KIF2A: variants seen among roughly 807,000 people sequenced by gnomAD.
KIF2A encodes the protein kinesin family member 2A, also known as kinesin-like protein KIF2A.
Under a neutral mutation model 100.2 loss-of-function variants are expected in KIF2A, and 22 were observed. The ratio of observed to expected loss-of-function variants is 0.22; its 90% confidence interval spans 0.16 to 0.31. The LOEUF is 0.31. KIF2A is among the 10% of genes least tolerant of loss of function. The pLI is 1.00. For missense variants in KIF2A, 495 were observed against 898.7 expected (o/e 0.55, Z 5.74); for synonymous variants, 268 against 285.9 (o/e 0.94, Z 0.63).
At position 62,309,032 on chromosome 5, in the gene KIF2A, G is replaced by T. The variant is rs939354108; in HGVS notation, c.64+2496G>T. ...GAAATTTATTTTTTAAAAAATTAGG[G>T]TGCAATAAAATGTGTAAATTCTTTA... On this transcript the variant is annotated intron_variant, in intron 1 of 20. Coordinates refer to ENST00000407818, the MANE Select transcript of KIF2A (RefSeq NM_001098511.3). Among the ~76,000 whole-genome samples, 12 of 152,220 alleles carry T rather than the reference G, an allele frequency of 7.9e-5. No homozygotes were observed. The East Asian group carries it at 1.3e-3, about 17-fold the overall frequency.
intron 1 of KIF2A, among the ~76,000 whole-genome samples, chr5:62,309,740 A>G (rs2344396): frequency 0.63 from 96,143 of 151,920 alleles, 30,566 homozygotes; most frequent in South Asian, 0.68. Context: ...TTCAGACCAC[A>G]CTTTTCCCAT....
intron 4 of KIF2A, 72 bp downstream of exon 4, chr5:62,350,192 G>T: frequency 1.2e-6 from 1 of 804,224 alleles, no homozygotes; most frequent in South Asian, 1.8e-5. Flanking sequence ...TAAATCAAAA[G>T]TAAACATTAC....
chr5:62,328,024 A>G (rs541077133), intron 1 of KIF2A, among the ~76,000 whole-genome samples: 1 of 152,368 alleles, frequency 6.6e-6, no homozygotes, highest in African/African-American at 2.4e-5. Context: ...CCAGGGAACA[A>G]TTAGATAGCA....
At chr5:62,385,414 A>G in intron 20 of KIF2A, 70 bp from the exon 21 acceptor site, 1 of 1,026,958 alleles carries the variant, frequency 9.7e-7, no homozygotes. Flanking sequence ...ACTTGATTGA[A>G]CCCATAAAGT....
chr5:62,345,877 C>T (rs559189060), intron 1 of KIF2A, among the ~76,000 whole-genome samples: 5 of 152,122 alleles, frequency 3.3e-5, no homozygotes, highest in East Asian at 1.9e-4. Context: ...TCTGTCTCTA[C>T]TTGAGTAACA....
Position 62,348,191 on chromosome 5 carries a change from C to CAGGA in KIF2A, c.279+25_279+28dup, listed in dbSNP as rs768662373. 11 of 1,611,838 alleles carry CAGGA rather than the reference C, an allele frequency of 6.8e-6. No individual in the cohort carries two copies. In the Admixed American group the frequency reaches 1.8e-4, roughly 27 times the overall value. ...AGGTTAGTGATGAAAATTCAGAGTG[C>CAGGA]AGGACACTGGGAGAGAGCGGGAGTT... is the stretch of plus-strand genomic sequence containing the variant. On this transcript the variant is annotated intron_variant, in intron 3 of 20. Coordinates refer to ENST00000407818, the MANE Select transcript of KIF2A (RefSeq NM_001098511.3).
rs990559577 is a variant in KIF2A at position 62,389,417 on chromosome 5, C to T, written c.*3848C>T. 7.2e-6 allele frequency among the ~76,000 whole-genome samples: 1 copy of T among 138,476 alleles called. No individual in the cohort carries two copies. Among genetic ancestry groups the T allele is most frequent in the Non-Finnish European group, 1.5e-5 (1 of 66,250 alleles). 90.8% of individuals were successfully genotyped at this position (138,476 alleles called of 152,430 possible). On this transcript the variant is annotated 3_prime_UTR_variant, in exon 21 of 21. Coordinates refer to ENST00000407818, the MANE Select transcript of KIF2A (RefSeq NM_001098511.3). ...AGGAGATTTGCCTGAACCCAGGAGG[C>T]GGAGGTTGCAGTGAGCTGAGATTGT...
At chr5:62,306,605 GCGCCGGC>G in intron 1 of KIF2A, 69 bp downstream of exon 1, 2 of 1,298,862 alleles carry the variant, frequency 1.5e-6, no homozygotes, top group Non-Finnish European at 2.1e-6. Context: ...GGGGACGCGG[GCGCCGGC>G]CGCCTCATTG....
intron 1 of KIF2A, among the ~76,000 whole-genome samples, chr5:62,312,544 G>T (rs1275523612): frequency 1.3e-5 from 2 of 152,150 alleles, no homozygotes; most frequent in African/African-American, 4.8e-5. Flanking sequence ...TTATTTGTTT[G>T]TTTGTTTTGA....
Position 62,336,453 on chromosome 5 carries a change from T to C in KIF2A, c.65-10677T>C, listed in dbSNP as rs978329596. ...TACCAATTATTGTGACTCTGTCTGT[T>C]CTGATTGGTCAGTTATCTCACCTTT... On this transcript the variant is annotated intron_variant, in intron 1 of 20. Transcript: ENST00000407818. Among the ~76,000 whole-genome samples the C allele has an allele frequency of 3.9e-5, 6 of 152,334 alleles. No individual in the cohort carries two copies. The East Asian group carries it at 7.7e-4, about 20-fold the overall frequency.
At chr5:62,376,701 G>T (rs1223670135) in intron 18 of KIF2A, among the ~76,000 whole-genome samples, 1 of 152,060 alleles carries the variant, frequency 6.6e-6, no homozygotes, top group Non-Finnish European at 1.5e-5. Flanking sequence ...GATTACAGGA[G>T]TGAGCCACCA....
chr5:62,361,181 C>T (rs1421681904), intron 9 of KIF2A, 61 bp from the exon 10 acceptor site: 4 of 824,458 alleles, frequency 4.9e-6, no homozygotes, highest in African/African-American at 3.4e-5. Flanking sequence ...TATTACTCAG[C>T]ATTACTATTA....
At chr5:62,332,540 ATTATAT>A (rs987850962) in intron 1 of KIF2A, among the ~76,000 whole-genome samples, 1 of 152,112 alleles carries the variant, frequency 6.6e-6, no homozygotes, top group African/African-American at 2.4e-5. Flanking sequence ...CAAAATATTT[ATTATAT>A]TTATATTTGA....
Position 62,390,813 on chromosome 5 carries a change from C to T in KIF2A, c.*5244C>T. The T allele has an allele frequency of 2.2e-6, 3 of 1,373,298 alleles. No homozygotes were observed. Among genetic ancestry groups the T allele is most frequent in the Non-Finnish European group, 3.1e-6 (3 of 962,660 alleles). The allele number at this position is 1,373,298 out of a possible 1,614,324, so 85.1% of individuals were successfully genotyped here. ...TATACCGCTTAAAAGCCTTTAAAATCTCCAATCTGAAGGTGTCACAGTAAA... is the reference window on the plus strand; with the variant it reads ...TATACCGCTTAAAAGCCTTTAAAATTTCCAATCTGAAGGTGTCACAGTAAA... On this transcript the variant is annotated 3_prime_UTR_variant, in exon 21 of 21. Transcript: ENST00000407818.
chr5:62,340,056 C>T (rs1300627755), intron 1 of KIF2A, among the ~76,000 whole-genome samples: 1 of 151,796 alleles, frequency 6.6e-6, no homozygotes, highest in Non-Finnish European at 1.5e-5. Context: ...CTGCATCAGC[C>T]TCCTGAGTAG....
In KIF2A at chr5:62,306,231, C is replaced by T; in HGVS notation, c.-242C>T. The T allele has an allele frequency of 2.0e-6, 1 of 490,796 alleles. No homozygotes were observed. The highest frequency in any genetic ancestry group is 3.6e-6 in the Non-Finnish European group (1 of 279,112). 30.4% of individuals were successfully genotyped at this position (490,796 alleles called of 1,614,324 possible). ...ACTCTACCCCGCGCCGTCTCACGGC[C>T]CCGGCCCTAGCTTCACCCCGACTAC... On this transcript the variant is annotated 5_prime_UTR_variant, in exon 1 of 21. Coordinates refer to ENST00000407818, the MANE Select transcript of KIF2A (RefSeq NM_001098511.3).
Position 62,306,501 on chromosome 5 carries a change from A to G in KIF2A, c.29A>G (p.Gln10Arg). 1.3e-6 allele frequency: 2 copies of G among 1,545,504 alleles called. No homozygotes were observed. Among genetic ancestry groups the G allele is most frequent in the Non-Finnish European group, 1.7e-6 (2 of 1,144,702 alleles). MATANFGKI[Q>R]IGIYVEIKRS... Reference sequence around the variant, plus strand: ...GCAACGGCCAACTTCGGCAAGATCCAGATCGGGATTTACGTGGAGATCAAG... The same window carrying G: ...GCAACGGCCAACTTCGGCAAGATCCGGATCGGGATTTACGTGGAGATCAAG... The change falls in exon 1 of 21, where the codon CAG becomes CGG. Residue 10 changes from glutamine to arginine, a missense_variant. Coordinates refer to ENST00000407818, the MANE Select transcript of KIF2A (RefSeq NM_001098511.3).
At chr5:62,368,799 C>G (rs1047091894) in intron 16 of KIF2A, among the ~76,000 whole-genome samples, 6 of 151,674 alleles carry the variant, frequency 4.0e-5, no homozygotes, top group African/African-American at 1.5e-4. Context: ...AGTAATAGAA[C>G]TACATTTCTA....
At chr5:62,333,969 G>C (rs1264738415) in intron 1 of KIF2A, among the ~76,000 whole-genome samples, 1 of 152,108 alleles carries the variant, frequency 6.6e-6, no homozygotes, top group African/African-American at 2.4e-5. Flanking sequence ...ACAAGCATTT[G>C]CTGAAGCCAT....
Sources: allele counts gnomAD v4.1 joint callset (sites outside exome capture counted in the v4.1 genomes callset), GRCh38; gene constraint gnomAD v4.1.1; transcripts MANE v1.5; gene names NCBI Gene and HGNC (gene_info 2026-07-23, HGNC 2026-07-21).